ST6GALNAC3: variants seen among roughly 807,000 people sequenced by gnomAD.
The protein encoded by ST6GALNAC3 is ST6 N-acetylgalactosaminide alpha-2,6-sialyltransferase 3.
In ST6GALNAC3, 25 loss-of-function variants were observed where a neutral mutation model predicts 32.7. That is an observed-to-expected ratio of 0.76 (90% CI 0.56 to 1.07). The LOEUF is 1.07. Ranked by LOEUF, ST6GALNAC3 falls within the 50% of genes least tolerant of loss-of-function variation. The pLI, the probability that ST6GALNAC3 is intolerant of heterozygous loss-of-function variation, is 0.00. For missense variants in ST6GALNAC3, 355 were observed against 382.4 expected (o/e 0.93, Z 0.60); for synonymous variants, 129 against 133.1 (o/e 0.97, Z 0.21).
chr1:76,481,929 C>A (rs1659749331), intron 3 of ST6GALNAC3, among the ~76,000 whole-genome samples: 1 of 152,098 alleles, frequency 6.6e-6, no homozygotes, highest in South Asian at 2.1e-4. Flanking sequence ...TTGGCTATTT[C>A]CAAATCAAAT....
intron 3 of ST6GALNAC3, among the ~76,000 whole-genome samples, chr1:76,444,039 G>T (rs1656799178): frequency 6.6e-6 from 1 of 152,228 alleles, no homozygotes; most frequent in South Asian, 2.1e-4. Flanking sequence ...ACTTCTCACA[G>T]AATTAGAAGT....
intron 3 of ST6GALNAC3, among the ~76,000 whole-genome samples, chr1:76,520,110 G>A (rs932329001): frequency 6.6e-6 from 1 of 151,780 alleles, no homozygotes; most frequent in Admixed American, 6.6e-5. Flanking sequence ...TTGAGTCAGT[G>A]ACTCTTTTTT....
chr1:76,388,438 G>T (rs912725240), intron 2 of ST6GALNAC3, among the ~76,000 whole-genome samples: 1 of 152,162 alleles, frequency 6.6e-6, no homozygotes, highest in Non-Finnish European at 1.5e-5. Context: ...AGAGCTGATA[G>T]AGGAAAAGCA....
At chr1:76,154,116 T>C (rs1314600529) in intron 1 of ST6GALNAC3, among the ~76,000 whole-genome samples, 1 of 151,998 alleles carries the variant, frequency 6.6e-6, no homozygotes, top group East Asian at 1.9e-4. Flanking sequence ...AGTCCAGTCA[T>C]TTCACCCCTG....
intron 2 of ST6GALNAC3, among the ~76,000 whole-genome samples, chr1:76,370,583 A>G (rs1292044327): frequency 6.6e-6 from 1 of 152,142 alleles, no homozygotes; most frequent in African/African-American, 2.4e-5. Context: ...GGGGTACCTG[A>G]AAGTCAATAT....
At chr1:76,128,120 G>C (rs1423319820) in intron 1 of ST6GALNAC3, among the ~76,000 whole-genome samples, 1 of 152,124 alleles carries the variant, frequency 6.6e-6, no homozygotes. Flanking sequence ...GGAGCCCATT[G>C]ACCTTGGCCC....
At chr1:76,362,948 T>C (rs1557824011) in intron 2 of ST6GALNAC3, among the ~76,000 whole-genome samples, 1 of 152,136 alleles carries the variant, frequency 6.6e-6, no homozygotes, top group South Asian at 2.1e-4. Context: ...TTCTCACAGC[T>C]CCTCTAGGCA....
intron 3 of ST6GALNAC3, among the ~76,000 whole-genome samples, chr1:76,458,593 G>T (rs1430512380): frequency 4.7e-5 from 7 of 149,766 alleles, no homozygotes; most frequent in African/African-American, 1.7e-4. Context: ...TAGGGACATG[G>T]ATGAAATTGG....
intron 3 of ST6GALNAC3, among the ~76,000 whole-genome samples, chr1:76,562,415 G>T (rs1012328031): frequency 2.0e-5 from 3 of 152,160 alleles, no homozygotes; most frequent in African/African-American, 7.2e-5. Context: ...TACCATAGTG[G>T]CAATGGGAAT....
chr1:76,419,945 T>TTTC (rs760605579), intron 3 of ST6GALNAC3, among the ~76,000 whole-genome samples: 2 of 59,294 alleles, frequency 3.4e-5, no homozygotes, highest in East Asian at 1.2e-3. Context: ...TCTTTCTTTC[T>TTTC]TTTTTTTTTT....
At chr1:76,143,945 T>A (rs887971510) in intron 1 of ST6GALNAC3, among the ~76,000 whole-genome samples, 2 of 152,160 alleles carry the variant, frequency 1.3e-5, no homozygotes, top group Non-Finnish European at 2.9e-5. Flanking sequence ...CTTGGGCCAG[T>A]TTATAGCCTT....
chr1:76,107,963 T>C (rs920622707), intron 1 of ST6GALNAC3, among the ~76,000 whole-genome samples: 1 of 152,234 alleles, frequency 6.6e-6, no homozygotes, highest in African/African-American at 2.4e-5. Flanking sequence ...AATACTTGAA[T>C]TGATTTTCAA....
chr1:76,161,293 G>A (rs1341122597), intron 1 of ST6GALNAC3, among the ~76,000 whole-genome samples: 2 of 152,220 alleles, frequency 1.3e-5, no homozygotes, highest in African/African-American at 4.8e-5. Flanking sequence ...TGTTATTAAA[G>A]GGATTCAAAC....
intron 2 of ST6GALNAC3, among the ~76,000 whole-genome samples, chr1:76,336,504 G>A (rs372954594): frequency 7.9e-5 from 12 of 152,236 alleles, no homozygotes; most frequent in East Asian, 3.9e-4. Flanking sequence ...GAGCACATTG[G>A]GCACTTCACA....
At chr1:76,307,500 T>C (rs1570764713) in intron 1 of ST6GALNAC3, among the ~76,000 whole-genome samples, 2 of 152,190 alleles carry the variant, frequency 1.3e-5, no homozygotes, top group South Asian at 4.1e-4. Flanking sequence ...AAGCAATGGG[T>C]AGGGACTCAT....
At chr1:76,405,587 A>ATGTGTGTG (rs749170623) in intron 2 of ST6GALNAC3, among the ~76,000 whole-genome samples, 4 of 136,228 alleles carry the variant, frequency 2.9e-5, no homozygotes, top group African/African-American at 1.2e-4. Context: ...AAGGTAACAG[A>ATGTGTGTG]TGTGTGTGTG....
At chr1:76,504,642 A>G (rs955837025) in intron 3 of ST6GALNAC3, among the ~76,000 whole-genome samples, 7 of 152,144 alleles carry the variant, frequency 4.6e-5, no homozygotes, top group Non-Finnish European at 7.3e-5. Context: ...AAATGGTAAG[A>G]CTAAGTTACT....
At chr1:76,418,223 A>T (rs563238773) in intron 3 of ST6GALNAC3, among the ~76,000 whole-genome samples, 97 of 152,156 alleles carry the variant, frequency 6.4e-4, no homozygotes, top group African/African-American at 2.2e-3. Flanking sequence ...AAGTGTAGAG[A>T]TGAAATTGGC....
rs760047718 is a variant in ST6GALNAC3, at chr1:76,196,468, CT to C, written c.19-117323del. Among the ~76,000 whole-genome samples the C allele has an allele frequency of 2.4e-3, 340 of 144,392 alleles. 1 individual carries two copies. Among genetic ancestry groups the C allele is most frequent in the Middle Eastern group, 3.5e-3 (1 of 282 alleles). 94.7% of individuals were successfully genotyped at this position (144,392 alleles called of 152,430 possible). A position where few individuals can be genotyped will look rare whatever the true frequency, so the allele number is the denominator to read the frequency against. Reference sequence around the variant, plus strand: ...CAAAAGCTGTTTGAGATTCTCAATACTTTTTTTTTTTTTTGAGACGGAGTTT... The same window carrying C: ...CAAAAGCTGTTTGAGATTCTCAATACTTTTTTTTTTTTTGAGACGGAGTTT... On this transcript the variant is annotated intron_variant, in intron 1 of 4. Coordinates refer to ENST00000328299, the MANE Select transcript of ST6GALNAC3 (RefSeq NM_152996.4).
Sources: gnomAD v4.1 joint callset for allele counts (sites outside exome capture counted in the v4.1 genomes callset) on GRCh38, gnomAD v4.1.1 for gene constraint, MANE v1.5 for transcripts, NCBI Gene and HGNC (gene_info 2026-07-23, HGNC 2026-07-21) for gene names.